Variants in USP25 observed in about 807,000 individuals in gnomAD.
USP25 encodes the protein ubiquitin carboxyl-terminal hydrolase 25.
USP25 carries 85 observed loss-of-function variants against 158.5 expected under a neutral mutation model. The ratio of observed to expected loss-of-function variants is 0.54; its 90% confidence interval spans 0.45 to 0.64. The LOEUF (loss-of-function observed/expected upper bound fraction) is 0.64, where lower values mean the gene tolerates loss of function less well. Among genes scored for constraint, USP25 ranks in the 30% least tolerant of loss-of-function variants. The probability of loss-of-function intolerance (pLI) is 0.00; values close to 1 mark genes in which losing one functional copy is unlikely to be tolerated. For missense variants in USP25, 1,242 were observed against 1,327.3 expected, an observed-to-expected ratio of 0.94 and a Z score of 1.00; for synonymous variants, 464 against 460.4, an observed-to-expected ratio of 1.01 and a Z score of -0.10.
chr21:15,829,454 G>GTA (rs1332727501), intron 14 of USP25, among the ~76,000 whole-genome samples: 3 of 152,146 alleles, frequency 2.0e-5, no homozygotes, highest in Non-Finnish European at 2.9e-5. Flanking sequence ...TTCCCACTGT[G>GTA]TGAGAGAGCC....
At position 15,878,409 on chromosome 21, in the gene USP25, T is replaced by C. The variant is rs2040183659; in HGVS notation, c.3312T>C (p.His1104=). The C allele has an allele frequency of 4.3e-6, 7 of 1,614,100 alleles. No homozygotes were observed. The highest frequency in any genetic ancestry group is 4.5e-5 in the East Asian group (2 of 44,876). ...EPPKLPSYST[H]ELCERFARIM... ...CGAAGTTACCTTCATATTCCACGCA[T>C]GAACTCTGTGAGCGATTTGCCCGAA... The change falls in exon 26 of 26, where the codon CAT becomes CAC. Residue 1104 remains histidine (H), a synonymous_variant. Transcript: ENST00000400183.
chr21:15,746,025 G>A (rs759064183), intron 1 of USP25, among the ~76,000 whole-genome samples: 13 of 152,082 alleles, frequency 8.5e-5, no homozygotes, highest in Non-Finnish European at 4.4e-5. Flanking sequence ...TGTATGAGTG[G>A]GTTTATTTTT....
intron 10 of USP25, among the ~76,000 whole-genome samples, chr21:15,821,765 G>C (rs1168578695): frequency 6.6e-6 from 1 of 151,836 alleles, no homozygotes. Flanking sequence ...GAAGTGATAG[G>C]TGTGTTTTTT....
rs2039934384 is a variant in USP25 at position 15,872,460 on chromosome 21, A to T, written c.2886-1943A>T. ...GCCAGATGTCAGTGTCATTCAGGAG[A>T]GATCTTCTTAACAGGAAACTCAGTA... On this transcript the variant is annotated intron_variant, in intron 23 of 25. Coordinates refer to ENST00000400183, the MANE Select transcript of USP25 (RefSeq NM_001283041.3). Among the ~76,000 whole-genome samples the T allele has an allele frequency of 1.3e-5, 2 of 152,202 alleles. 1 individual carries two copies. Among genetic ancestry groups the T allele is most frequent in the South Asian group, 4.1e-4 (2 of 4,832 alleles).
At chr21:15,864,481 C>CT in intron 21 of USP25, 35 bp downstream of exon 21, 1 of 1,520,604 alleles carries the variant, frequency 6.6e-7, no homozygotes, top group South Asian at 1.2e-5. Flanking sequence ...ATGCTCAAAT[C>CT]GTTCTTTTTT....
chr21:15,803,673 C>T (rs1298156939), intron 6 of USP25, among the ~76,000 whole-genome samples: 1 of 151,802 alleles, frequency 6.6e-6, no homozygotes, highest in Non-Finnish European at 1.5e-5. Context: ...CTGGGAATGT[C>T]TCAAAAAACT....
At chr21:15,850,728 C>CT (rs2038847127) in intron 20 of USP25, among the ~76,000 whole-genome samples, 1 of 151,804 alleles carries the variant, frequency 6.6e-6, no homozygotes, top group Non-Finnish European at 1.5e-5. Flanking sequence ...AAAACTGGTT[C>CT]TTTTTTCACT....
At chr21:15,808,313 T>C (rs1174622132) in intron 7 of USP25, among the ~76,000 whole-genome samples, 1 of 152,092 alleles carries the variant, frequency 6.6e-6, no homozygotes, top group Non-Finnish European at 1.5e-5. Context: ...TTCTGAATGA[T>C]AGTAAAGGTA....
chr21:15,763,951 T>G (rs1040262520), intron 2 of USP25, among the ~76,000 whole-genome samples: 1 of 152,180 alleles, frequency 6.6e-6, no homozygotes, highest in East Asian at 1.9e-4. Context: ...TCACACAGCC[T>G]GTATGTGGAG....
At chr21:15,834,096 A>G (rs1164289274) in intron 17 of USP25, among the ~76,000 whole-genome samples, 1 of 152,238 alleles carries the variant, frequency 6.6e-6, no homozygotes, top group South Asian at 2.1e-4. Flanking sequence ...TATCACAGGT[A>G]AAAAGTAAGT....
rs1027245698 is a variant in USP25, at chr21:15,730,357, C to T, written c.-37C>T. ...GCCGGCGGAGGCGCGAGGAGCCGGG[C>T]GCCACCGCCGCCGCCGCCGCCGCCG... is the stretch of plus-strand genomic sequence containing the variant. On this transcript the variant is annotated 5_prime_UTR_variant, in exon 1 of 26. Coordinates refer to ENST00000400183, the MANE Select transcript of USP25 (RefSeq NM_001283041.3). 20 of 1,168,674 alleles carry T rather than the reference C, an allele frequency of 1.7e-5. No individual in the cohort carries two copies. In the Admixed American group the frequency reaches 7.7e-4, roughly 45 times the overall value. 72.4% of individuals were successfully genotyped at this position (1,168,674 alleles called of 1,614,324 possible).
At chr21:15,750,884 C>G (rs192485186) in intron 1 of USP25, among the ~76,000 whole-genome samples, 5 of 151,386 alleles carry the variant, frequency 3.3e-5, no homozygotes, top group Admixed American at 2.0e-4. Flanking sequence ...TCCCAAAGTG[C>G]TTGGATTACA....
chr21:15,794,685 A>G (rs1347830964), intron 5 of USP25, among the ~76,000 whole-genome samples: 1 of 151,400 alleles, frequency 6.6e-6, no homozygotes. Flanking sequence ...CCTGTCACTT[A>G]GTCCTAAAGC....
chr21:15,845,730 C>T lies in USP25; in HGVS notation c.2338-1933C>T, dbSNP rs551823145. 6.2e-4 allele frequency among the ~76,000 whole-genome samples: 94 copies of T among 152,158 alleles called. 2 individuals carry two copies. In the South Asian group the frequency reaches 0.018, roughly 29 times the overall value. On this transcript the variant is annotated intron_variant, in intron 18 of 25. Transcript: ENST00000400183. ...TTGGTTTGCTAGTGAGAAATCATCA[C>T]CACAAACTCCGAACAGATTTCTGAA...
At chr21:15,835,463 C>T (rs887939913) in intron 17 of USP25, among the ~76,000 whole-genome samples, 1 of 152,150 alleles carries the variant, frequency 6.6e-6, no homozygotes, top group East Asian at 1.9e-4. Context: ...TGTGAAAAGA[C>T]CATGTGTGCA....
chr21:15,779,779 G>T (rs1038621562), intron 4 of USP25, among the ~76,000 whole-genome samples: 15 of 151,828 alleles, frequency 9.9e-5, no homozygotes, highest in African/African-American at 3.6e-4. Context: ...TAAATATTTG[G>T]TAGATATTAT....
At chr21:15,862,286 C>A (rs540616776) in intron 20 of USP25, among the ~76,000 whole-genome samples, 2 of 152,132 alleles carry the variant, frequency 1.3e-5, no homozygotes, top group South Asian at 4.1e-4. Flanking sequence ...TGAGTGCCAA[C>A]ATGATACTCA....
At chr21:15,798,080 G>C (rs1475161583) in intron 5 of USP25, among the ~76,000 whole-genome samples, 5 of 151,160 alleles carry the variant, frequency 3.3e-5, no homozygotes, top group Admixed American at 2.6e-4. Context: ...GTGCTACTCT[G>C]TACCCCATTT....
At chr21:15,870,168 A>G (rs779567776) in intron 23 of USP25, 21 bp downstream of exon 23, 2 of 1,569,408 alleles carry the variant, frequency 1.3e-6, no homozygotes, top group South Asian at 2.3e-5. Context: ...GTGGACAAAT[A>G]TGAAAAGAGC....
Sources: gnomAD v4.1 joint callset for allele counts (sites outside exome capture counted in the v4.1 genomes callset) on GRCh38, gnomAD v4.1.1 for gene constraint, MANE v1.5 for transcripts, NCBI Gene and HGNC (gene_info 2026-07-23, HGNC 2026-07-21) for gene names.